OSBPL8: variants seen among roughly 807,000 people sequenced by gnomAD.
OSBPL8 encodes the protein oxysterol binding protein like 8.
Under a neutral mutation model 125.5 loss-of-function variants are expected in OSBPL8, and 59 were observed. The observed-to-expected ratio is 0.47, with a 90% CI of 0.38 to 0.58. The LOEUF (loss-of-function observed/expected upper bound fraction) is 0.58, where lower values mean the gene tolerates loss of function less well. Ranked by LOEUF, OSBPL8 falls within the 20% of genes least tolerant of loss-of-function variation. OSBPL8 has a pLI of 0.00. For synonymous variants in OSBPL8, 330 were observed against 338.9 expected, an observed-to-expected ratio of 0.97 and a Z score of 0.29; for missense variants, 758 against 1,047.8, an observed-to-expected ratio of 0.72 and a Z score of 3.82.
intron 16 of OSBPL8, among the ~76,000 whole-genome samples, chr12:76,377,200 A>G (rs1360178250): frequency 6.6e-6 from 1 of 152,126 alleles, no homozygotes; most frequent in African/African-American, 2.4e-5. Flanking sequence ...GTTGGTCCCA[A>G]GTCTTTGCTA....
intron 4 of OSBPL8, among the ~76,000 whole-genome samples, chr12:76,415,199 T>C (rs1868477493): frequency 6.6e-6 from 1 of 152,110 alleles, no homozygotes; most frequent in South Asian, 2.1e-4. Context: ...GGTATCTACC[T>C]GAATCCGGAG....
intron 1 of OSBPL8, among the ~76,000 whole-genome samples, chr12:76,553,989 A>AAG (rs1951021799): frequency 6.6e-6 from 1 of 151,158 alleles, no homozygotes; most frequent in African/African-American, 2.4e-5. Context: ...AAAAAAAAAA[A>AAG]AAAAAACACT....
chr12:76,401,473 C>T (rs1954049825), intron 6 of OSBPL8, among the ~76,000 whole-genome samples: 1 of 152,126 alleles, frequency 6.6e-6, no homozygotes, highest in Non-Finnish European at 1.5e-5. Context: ...TCATTTAATC[C>T]TCACAACAAC....
rs1951921523 is a variant in OSBPL8 at position 76,354,643 on chromosome 12, A to T, written c.*1246T>A. ...GCAAAAATTGCTTTCAAGGAATATAAATATTTACGTAAAAACACAAAATCA... is the reference window on the plus strand; with the variant it reads ...GCAAAAATTGCTTTCAAGGAATATATATATTTACGTAAAAACACAAAATCA... On this transcript the variant is annotated 3_prime_UTR_variant, in exon 24 of 24. Coordinates refer to ENST00000261183, the MANE Select transcript of OSBPL8 (RefSeq NM_020841.5). 6.6e-6 allele frequency: 1 copy of T among 152,022 alleles called. No individual in the cohort carries two copies. Among genetic ancestry groups the T allele is most frequent in the Non-Finnish European group, 1.5e-5 (1 of 67,866 alleles). The allele number at this position is 152,022 out of a possible 1,614,324, so 9.4% of individuals were successfully genotyped here. A position where few individuals can be genotyped will look rare whatever the true frequency, so the allele number is the denominator to read the frequency against.
intron 21 of OSBPL8, among the ~76,000 whole-genome samples, chr12:76,362,720 TAGG>T (rs574839447): frequency 1.5e-3 from 222 of 152,290 alleles, no homozygotes; most frequent in South Asian, 3.5e-3. Flanking sequence ...GGTATTCAAA[TAGG>T]AGAAGAGGAA....
chr12:76,369,420 T>A, intron 20 of OSBPL8, 119 bp from the exon 21 acceptor site: 1 of 1,420,070 alleles, frequency 7.0e-7, no homozygotes, highest in South Asian at 1.6e-5. Context: ...ATAATGAGAT[T>A]TCCCCATACC....
intron 1 of OSBPL8, among the ~76,000 whole-genome samples, chr12:76,547,075 G>T (rs1281505115): frequency 6.6e-6 from 1 of 152,178 alleles, no homozygotes; most frequent in Non-Finnish European, 1.5e-5. Flanking sequence ...AATCTGGCGT[G>T]TAAAAACCTC....
intron 18 of OSBPL8, among the ~76,000 whole-genome samples, chr12:76,372,795 C>T (rs1952668923): frequency 6.6e-6 from 1 of 152,202 alleles, no homozygotes. Flanking sequence ...CTCTCACACA[C>T]CACTATATCC....
In OSBPL8 at chr12:76,518,154, T is replaced by C. The variant is rs1259255572; in HGVS notation, c.-67-30536A>G. 2.0e-5 allele frequency among the ~76,000 whole-genome samples: 3 copies of C among 152,180 alleles called. No homozygotes were observed. The South Asian group carries it at 6.2e-4, about 32-fold the overall frequency. ...CAAATTCCTTCCACCTATGAGCCTG[T>C]AAAATCAAAACAAGTAACTTGATAG... On this transcript the variant is annotated intron_variant, in intron 1 of 23. Coordinates refer to ENST00000261183, the MANE Select transcript of OSBPL8 (RefSeq NM_020841.5).
rs973597222 is a variant in OSBPL8, at chr12:76,554,261, A to G, written c.-68+5136T>C. ...AAATGAGAGAAAAAAAATCAAGGCT[A>G]TATTCCATCTTCTTATAAAGTAAAG... On this transcript the variant is annotated intron_variant, in intron 1 of 23. Transcript: ENST00000261183. Among the ~76,000 whole-genome samples the G allele has an allele frequency of 9.2e-5, 14 of 152,324 alleles. No individual in the cohort carries two copies. In the South Asian group the frequency reaches 1.2e-3, roughly 14 times the overall value.
chr12:76,551,704 G>C (rs1385181237), intron 1 of OSBPL8, among the ~76,000 whole-genome samples: 1 of 152,134 alleles, frequency 6.6e-6, no homozygotes, highest in African/African-American at 2.4e-5. Flanking sequence ...AATGGCACAT[G>C]CTGATGAATA....
intron 18 of OSBPL8, 30 bp downstream of exon 18, chr12:76,373,314 T>C: frequency 7.2e-7 from 1 of 1,388,920 alleles, no homozygotes; most frequent in Non-Finnish European, 9.9e-7. Flanking sequence ...ATAAAATTCT[T>C]TTTGTAAAGC....
chr12:76,395,906 A>G (rs1223345073), intron 8 of OSBPL8, among the ~76,000 whole-genome samples: 2 of 151,902 alleles, frequency 1.3e-5, no homozygotes, highest in African/African-American at 2.4e-5. Flanking sequence ...TTCCAATATT[A>G]AGAATTAAAT....
intron 1 of OSBPL8, among the ~76,000 whole-genome samples, chr12:76,544,587 G>T (rs888590489): frequency 6.6e-6 from 1 of 152,150 alleles, no homozygotes; most frequent in Non-Finnish European, 1.5e-5. Flanking sequence ...AGACATGCCT[G>T]ATACCTGACT....
intron 1 of OSBPL8, among the ~76,000 whole-genome samples, chr12:76,553,401 C>T (rs1238297852): frequency 6.6e-6 from 1 of 151,118 alleles, no homozygotes; most frequent in Non-Finnish European, 1.5e-5. Context: ...TGGCAGCTCA[C>T]ATCTATAATC....
At chr12:76,409,664 C>T (rs1292064009) in intron 5 of OSBPL8, among the ~76,000 whole-genome samples, 2 of 152,116 alleles carry the variant, frequency 1.3e-5, no homozygotes, top group East Asian at 3.8e-4. Context: ...AACTTCTAGC[C>T]TAAGTACTTT....
intron 1 of OSBPL8, among the ~76,000 whole-genome samples, chr12:76,557,810 T>C (rs1463416736): frequency 6.6e-6 from 1 of 152,172 alleles, no homozygotes; most frequent in African/African-American, 2.4e-5. Flanking sequence ...CCTGAATGTG[T>C]TATAAAAAAC....
intron 4 of OSBPL8, among the ~76,000 whole-genome samples, chr12:76,430,953 AC>A: frequency 6.6e-6 from 1 of 152,328 alleles, no homozygotes; most frequent in South Asian, 2.1e-4. Flanking sequence ...CTAAAGATAA[AC>A]ATAAAGACAA....
At chr12:76,527,684 T>C (rs1950217505) in intron 1 of OSBPL8, among the ~76,000 whole-genome samples, 1 of 152,198 alleles carries the variant, frequency 6.6e-6, no homozygotes, top group Non-Finnish European at 1.5e-5. Context: ...CGAATTATCT[T>C]ATCCATACCA....
Sources: gnomAD v4.1 joint callset for allele counts (sites outside exome capture counted in the v4.1 genomes callset) on GRCh38, gnomAD v4.1.1 for gene constraint, MANE v1.5 for transcripts, NCBI Gene and HGNC (gene_info 2026-07-23, HGNC 2026-07-21) for gene names.